Variants in SOX5 observed in about 807,000 individuals in gnomAD.
SOX5 encodes the protein transcription factor SOX-5.
In SOX5, 9 loss-of-function variants were observed where a neutral mutation model predicts 92.0. The observed-to-expected ratio is 0.10, with a 90% CI of 0.06 to 0.17. SOX5 has a LOEUF of 0.17. SOX5 is among the 10% of genes least tolerant of loss of function. The pLI is 1.00. For missense variants in SOX5, 642 were observed against 944.5 expected (o/e 0.68, Z 4.20); for synonymous variants, 344 against 336.3 (o/e 1.02, Z -0.25).
intron 2 of SOX5, among the ~76,000 whole-genome samples, chr12:23,884,804 A>T (rs2097044980): frequency 6.6e-6 from 1 of 152,180 alleles, no homozygotes; most frequent in South Asian, 2.1e-4. Context: ...TCACTGGGTT[A>T]ATATACGATT....
intron 1 of SOX5, among the ~76,000 whole-genome samples, chr12:24,494,343 G>T (rs373845071): frequency 6.6e-6 from 1 of 152,190 alleles, no homozygotes; most frequent in African/African-American, 2.4e-5. Flanking sequence ...CAAGAAACTG[G>T]AAAATGTTTT....
rs567681424 is a variant in SOX5, at chr12:23,534,613, C to T, written c.1989-91G>A. ...ACATAATTAATTTGCTCAGCAATGT[C>T]CAATTCTAAGGTACTAATTTTATCT... On this transcript the variant is annotated intron_variant, in intron 14 of 14. Coordinates refer to ENST00000451604, the MANE Select transcript of SOX5 (RefSeq NM_006940.6). 217 of 1,021,600 alleles carry T rather than the reference C, an allele frequency of 2.1e-4. No homozygotes were observed. In the African/African-American group the frequency reaches 3.3e-3, roughly 15 times the overall value. The allele number at this position is 1,021,600 out of a possible 1,614,324, so 63.3% of individuals were successfully genotyped here. A position where few individuals can be genotyped will look rare whatever the true frequency, so the allele number is the denominator to read the frequency against.
At chr12:23,888,846 TA>T (rs1337793361) in intron 2 of SOX5, among the ~76,000 whole-genome samples, 1 of 152,196 alleles carries the variant, frequency 6.6e-6, no homozygotes, top group East Asian at 1.9e-4. Context: ...CAATTTACCA[TA>T]AAAAACAAAT....
chr12:24,385,711 G>T (rs139375881), intron 1 of SOX5, among the ~76,000 whole-genome samples: 3 of 152,126 alleles, frequency 2.0e-5, no homozygotes, highest in Non-Finnish European at 4.4e-5. Context: ...GCTGAGGTAG[G>T]AAGATCACTT....
At chr12:24,132,112 G>A (rs773890676) in intron 4 of SOX5, among the ~76,000 whole-genome samples, 23 of 152,120 alleles carry the variant, frequency 1.5e-4, no homozygotes, top group Non-Finnish European at 2.8e-4. Flanking sequence ...AAAAATAAAA[G>A]GCTTACTTCA....
chr12:23,801,957 T>A (rs1003551784), intron 3 of SOX5, among the ~76,000 whole-genome samples: 4 of 152,196 alleles, frequency 2.6e-5, no homozygotes, highest in African/African-American at 4.8e-5. Flanking sequence ...ACATATCAAC[T>A]ATTAAAATAT....
intron 11 of SOX5, among the ~76,000 whole-genome samples, chr12:23,559,477 A>G (rs1329647955): frequency 6.6e-6 from 1 of 152,090 alleles, no homozygotes; most frequent in Non-Finnish European, 1.5e-5. Flanking sequence ...GGAAAAGTAA[A>G]GAAGTTAAAA....
chr12:24,024,902 A>G (rs1954708581), intron 4 of SOX5, among the ~76,000 whole-genome samples: 1 of 152,012 alleles, frequency 6.6e-6, no homozygotes, highest in Non-Finnish European at 1.5e-5. Flanking sequence ...AAACTTCTCT[A>G]CCCTATAGGA....
intron 1 of SOX5, among the ~76,000 whole-genome samples, chr12:24,402,941 G>C (rs1407973380): frequency 2.0e-5 from 3 of 152,016 alleles, no homozygotes; most frequent in African/African-American, 7.2e-5. Flanking sequence ...TAATGCTGAA[G>C]GTTAATTTTT....
intron 3 of SOX5, among the ~76,000 whole-genome samples, chr12:24,247,512 G>A (rs1468246158): frequency 6.6e-6 from 1 of 152,124 alleles, no homozygotes; most frequent in African/African-American, 2.4e-5. Flanking sequence ...AAAAGGAAAG[G>A]CCCAAGTGGT....
At position 24,053,186 on chromosome 12, in the gene SOX5, C is replaced by CTTTTTTTT. The variant is rs771905340; in HGVS notation, c.-1-157163_-1-157162insAAAAAAAA. 2.1e-5 allele frequency among the ~76,000 whole-genome samples: 3 copies of CTTTTTTTT among 144,508 alleles called. 1 individual carries two copies. Among genetic ancestry groups the CTTTTTTTT allele is most frequent in the Non-Finnish European group, 3.0e-5 (2 of 66,204 alleles). The allele number at this position is 144,508 out of a possible 152,430, so 94.8% of individuals were successfully genotyped here. ...AGCCAATGCTACTGCACGCCCCCCC[C>CTTTTTTTT]CTTTTTTTTTTTTGAGATGGAGTCT... is the stretch of plus-strand genomic sequence containing the variant. On this transcript the variant is annotated intron_variant, in intron 4 of 4. Transcript: ENST00000446891.
intron 1 of SOX5, among the ~76,000 whole-genome samples, chr12:24,512,093 T>C (rs1259296695): frequency 1.3e-5 from 2 of 152,078 alleles, no homozygotes; most frequent in Non-Finnish European, 2.9e-5. Context: ...ACGGGGAATA[T>C]AAACAGAAAT....
At chr12:23,659,677 A>G (rs536882359) in intron 7 of SOX5, among the ~76,000 whole-genome samples, 1 of 152,338 alleles carries the variant, frequency 6.6e-6, no homozygotes, top group African/African-American at 2.4e-5. Flanking sequence ...CAACAACAGA[A>G]AAAGTTTAAA....
chr12:23,690,721 C>T (rs1338352067), intron 6 of SOX5, among the ~76,000 whole-genome samples: 1 of 152,206 alleles, frequency 6.6e-6, no homozygotes, highest in African/African-American at 2.4e-5. Flanking sequence ...CTGACCTTAT[C>T]TCCTGGCCTG....
chr12:23,830,236 G>A (rs1594844425), intron 3 of SOX5, among the ~76,000 whole-genome samples: 1 of 152,094 alleles, frequency 6.6e-6, no homozygotes, highest in Non-Finnish European at 1.5e-5. Flanking sequence ...GTGTCTTCTT[G>A]TCCTGACCTT....
chr12:24,009,233 C>A (rs1440726057), intron 4 of SOX5, among the ~76,000 whole-genome samples: 2 of 152,186 alleles, frequency 1.3e-5, no homozygotes, highest in African/African-American at 4.8e-5. Flanking sequence ...CCCAATCAAA[C>A]ATCGGGAGCA....
intron 2 of SOX5, among the ~76,000 whole-genome samples, chr12:24,294,264 C>T (rs139761731): frequency 1.3e-4 from 20 of 151,906 alleles, no homozygotes; most frequent in East Asian, 5.8e-4. Flanking sequence ...ACAGCTGCCT[C>T]ATCAGTAACT....
chr12:24,372,569 T>G (rs1404504260), intron 1 of SOX5, among the ~76,000 whole-genome samples: 2 of 152,228 alleles, frequency 1.3e-5, no homozygotes, highest in African/African-American at 4.8e-5. Flanking sequence ...TCTTTGCTAT[T>G]GTGAACAGTG....
intron 3 of SOX5, among the ~76,000 whole-genome samples, chr12:24,237,278 C>T (rs1269379684): frequency 1.3e-5 from 2 of 152,168 alleles, no homozygotes. Flanking sequence ...GCCCTGAGTC[C>T]TGCTCTTCTA....
Sources: gnomAD v4.1 joint callset for allele counts (sites outside exome capture counted in the v4.1 genomes callset) on GRCh38, gnomAD v4.1.1 for gene constraint, MANE v1.5 for transcripts, NCBI Gene and HGNC (gene_info 2026-07-23, HGNC 2026-07-21) for gene names.